TP53BP2: variants seen among roughly 807,000 people sequenced by gnomAD.
TP53BP2 encodes tumor protein p53 binding protein 2, also known as apoptosis-stimulating of p53 protein 2.
In TP53BP2, 62 loss-of-function variants were observed where a neutral mutation model predicts 126.2. The ratio of observed to expected loss-of-function variants is 0.49; its 90% CI spans 0.40 to 0.61. TP53BP2 has a LOEUF of 0.61. Among genes scored for constraint, TP53BP2 ranks in the 20% least tolerant of loss-of-function variants. The pLI is 0.00. For missense variants in TP53BP2, 1,215 were observed against 1,402.8 expected (o/e 0.87, Z 2.14); for synonymous variants, 485 against 502.9 (o/e 0.96, Z 0.48).
chr1:223,827,106 T>C (rs913377355), intron 1 of TP53BP2, among the ~76,000 whole-genome samples: 5 of 152,020 alleles, frequency 3.3e-5, no homozygotes, highest in Non-Finnish European at 5.9e-5. Flanking sequence ...AACGGAGACA[T>C]GAAGAGGCCG....
intron 1 of TP53BP2, among the ~76,000 whole-genome samples, chr1:223,830,589 A>G (rs561109275): frequency 2.8e-4 from 43 of 152,192 alleles, no homozygotes; most frequent in South Asian, 1.0e-3. Context: ...GAAGATTTTC[A>G]CTATAGTGTG....
chr1:223,825,098 CTAACA>C (rs1558106539), intron 1 of TP53BP2, among the ~76,000 whole-genome samples: 1 of 151,702 alleles, frequency 6.6e-6, no homozygotes, highest in South Asian at 2.1e-4. Flanking sequence ...AGCACAGTCA[CTAACA>C]TGTCATATGT....
intron 1 of TP53BP2, among the ~76,000 whole-genome samples, chr1:223,828,211 T>G (rs61823587): frequency 0.1 from 15,438 of 152,180 alleles, 884 homozygotes; most frequent in African/African-American, 0.16. Flanking sequence ...ATGAAACATT[T>G]TTATTAAAAA....
intron 9 of TP53BP2, among the ~76,000 whole-genome samples, chr1:223,801,099 T>C (rs768809904): frequency 2.2e-4 from 34 of 152,308 alleles, no homozygotes; most frequent in Middle Eastern, 3.4e-3. Flanking sequence ...GAAAATACTT[T>C]CCAATTCAAG....
Position 223,795,805 on chromosome 1 carries a change from C to T in TP53BP2, c.2724+10G>A, listed in dbSNP as rs1205271267. The stretch of plus-strand genomic sequence containing the variant: ...CTCCGGAAAAGGCTATGAGATAGTA[C>T]ATTACTTACAGGAGGCAGAGAGACC... On this transcript the variant is annotated intron_variant, in intron 13 of 17. Coordinates refer to ENST00000343537, the MANE Select transcript of TP53BP2 (RefSeq NM_001031685.3). 2.0e-6 allele frequency: 3 copies of T among 1,516,200 alleles called. No individual in the cohort carries two copies. In the East Asian group the frequency reaches 6.8e-5, roughly 34 times the overall value. 93.9% of individuals were successfully genotyped at this position (1,516,200 alleles called of 1,614,324 possible).
At chr1:223,834,929 T>C in intron 1 of TP53BP2, 1 of 921,808 alleles carries the variant, frequency 1.1e-6, no homozygotes, top group Non-Finnish European at 1.3e-6. Flanking sequence ...GTCTATACAT[T>C]CTTTAGTACA....
chr1:223,801,972 G>T, intron 9 of TP53BP2, 144 bp downstream of exon 9: 1 of 753,800 alleles, frequency 1.3e-6, no homozygotes, highest in Non-Finnish European at 2.1e-6. Flanking sequence ...TTTTTTAAAC[G>T]TCTCATTACA....
At chr1:223,827,924 T>G (rs1045789631) in intron 1 of TP53BP2, among the ~76,000 whole-genome samples, 16 of 152,336 alleles carry the variant, frequency 1.1e-4, no homozygotes, top group African/African-American at 3.6e-4. Flanking sequence ...TTTTACAAAT[T>G]TACTGTATTA....
chr1:223,784,916 G>A (rs958511490), intron 16 of TP53BP2, among the ~76,000 whole-genome samples: 7 of 152,146 alleles, frequency 4.6e-5, no homozygotes, highest in Admixed American at 2.0e-4. Flanking sequence ...GTAAGAATCC[G>A]AATCTTAAAA....
At chr1:223,810,887 C>T (rs1017061387) in intron 3 of TP53BP2, among the ~76,000 whole-genome samples, 1 of 152,010 alleles carries the variant, frequency 6.6e-6, no homozygotes, top group African/African-American at 2.4e-5. Context: ...GTAGTTAAAC[C>T]AAGAAAAACT....
chr1:223,802,395 C>G, intron 8 of TP53BP2, 51 bp from the exon 9 acceptor site: 5 of 1,531,408 alleles, frequency 3.3e-6, no homozygotes, highest in Non-Finnish European at 4.5e-6. Context: ...CTCAGGTGAT[C>G]AGACTTAGAA....
At chr1:223,794,501 G>C (rs188052456) in intron 13 of TP53BP2, among the ~76,000 whole-genome samples, 49 of 152,234 alleles carry the variant, frequency 3.2e-4, no homozygotes, top group Admixed American at 3.2e-3. Flanking sequence ...AGAAGGAAAA[G>C]GTAAGACACC....
chr1:223,808,339 G>C (rs1003686081), intron 4 of TP53BP2, among the ~76,000 whole-genome samples: 1 of 151,940 alleles, frequency 6.6e-6, no homozygotes, highest in African/African-American at 2.4e-5. Context: ...TCAGGAGTTC[G>C]AGACCAGCCT....
chr1:223,793,204 T>C, intron 14 of TP53BP2, 99 bp downstream of exon 14: 1 of 897,198 alleles, frequency 1.1e-6, no homozygotes, highest in Non-Finnish European at 1.5e-6. Context: ...TAAAACAAAA[T>C]ACAAGGTCAT....
At chr1:223,834,652 T>C (rs1041886344) in intron 1 of TP53BP2, among the ~76,000 whole-genome samples, 1 of 152,166 alleles carries the variant, frequency 6.6e-6, no homozygotes, top group African/African-American at 2.4e-5. Context: ...TACTCCACAG[T>C]TATAGCCTCG....
chr1:223,844,141 C>T (rs1381139972), intron 1 of TP53BP2, among the ~76,000 whole-genome samples: 3 of 152,128 alleles, frequency 2.0e-5, no homozygotes, highest in Admixed American at 1.3e-4. Context: ...AGTCTGACTT[C>T]AAAGCTGGTG....
chr1:223,842,638 G>C (rs775091689), intron 1 of TP53BP2, among the ~76,000 whole-genome samples: 23 of 152,236 alleles, frequency 1.5e-4, no homozygotes, highest in Non-Finnish European at 2.9e-4. Context: ...CAGCTGAAAA[G>C]AGCAGAGAGT....
intron 15 of TP53BP2, among the ~76,000 whole-genome samples, chr1:223,791,120 T>C (rs1662140527): frequency 6.6e-6 from 1 of 152,118 alleles, no homozygotes. Flanking sequence ...ACTATATTTG[T>C]GAAAAGCATA....
Position 223,806,871 on chromosome 1 carries a change from G to C in TP53BP2, c.449C>G (p.Ala150Gly). 6.2e-7 allele frequency: 1 copy of C among 1,613,842 alleles called. No individual in the cohort carries two copies. The highest frequency in any genetic ancestry group is 8.5e-7 in the Non-Finnish European group (1 of 1,179,866). ...CTTAGTTGCCAGCAATTGTTGCTGG[G>C]CTTCAATCTGTTGCTGCTGGCGAGA... The part of the protein sequence containing the change: ...MASRQQQQIE[A>G]QQQLLATKEQ... The change falls in exon 5 of 18, where the codon GCC (alanine) becomes GGC (glycine). Residue 150 changes from alanine to glycine, a missense_variant. By Grantham distance (60) the Ala-to-Gly change is moderately conservative (BLOSUM62 0). Around this residue, in one of 4 missense-constraint regions of TP53BP2, gnomAD observed 814 missense variants for 853.0 expected, o/e 0.95. Transcript: ENST00000343537.
Sources: gnomAD v4.1 joint callset for allele counts (sites outside exome capture counted in the v4.1 genomes callset) on GRCh38, gnomAD v4.1.1 for gene constraint, gnomAD v4.1.1 regional missense constraint, MANE v1.5 for transcripts, NCBI Gene and HGNC (gene_info 2026-07-23, HGNC 2026-07-21) for gene names.